The following MAP7 variants were observed in gnomAD, a reference collection of about 807,000 sequenced individuals.
MAP7 encodes the protein ensconsin.
Under a neutral mutation model 94.8 loss-of-function variants are expected in MAP7, and 52 were observed. The ratio of observed to expected loss-of-function variants is 0.55; its 90% CI spans 0.44 to 0.69. The LOEUF is 0.69. Among genes scored for constraint, MAP7 ranks in the 30% least tolerant of loss-of-function variants. The probability of loss-of-function intolerance (pLI) is 0.00; values close to 1 mark genes in which losing one functional copy is unlikely to be tolerated. For synonymous variants in MAP7, 350 were observed against 357.0 expected (o/e 0.98, Z 0.22); for missense variants, 940 against 964.6 (o/e 0.97, Z 0.34).
At chr6:136,410,237 G>C (rs553170569) in intron 3 of MAP7, among the ~76,000 whole-genome samples, 3 of 152,328 alleles carry the variant, frequency 2.0e-5, no homozygotes, top group Non-Finnish European at 4.4e-5. Context: ...TAACTAAAGA[G>C]ATCTACAAGT....
chr6:136,416,750 G>A (rs1789582953), intron 2 of MAP7, among the ~76,000 whole-genome samples: 1 of 151,838 alleles, frequency 6.6e-6, no homozygotes, highest in Non-Finnish European at 1.5e-5. Context: ...AGGTTGCACT[G>A]AGCCAAGATC....
chr6:136,527,208 T>G (rs1828037714), intron 1 of MAP7, among the ~76,000 whole-genome samples: 1 of 152,208 alleles, frequency 6.6e-6, no homozygotes, highest in Non-Finnish European at 1.5e-5. Context: ...ATGTGACTAT[T>G]GTTTTCTCCT....
At chr6:136,518,484 C>T (rs1030819762) in intron 1 of MAP7, among the ~76,000 whole-genome samples, 3 of 152,182 alleles carry the variant, frequency 2.0e-5, no homozygotes, top group South Asian at 2.1e-4. Flanking sequence ...CTTTGGGCCT[C>T]GGCATCTGGG....
At chr6:136,503,009 G>C (rs1820248727) in intron 1 of MAP7, among the ~76,000 whole-genome samples, 1 of 152,132 alleles carries the variant, frequency 6.6e-6, no homozygotes, top group African/African-American at 2.4e-5. Flanking sequence ...CACAGTCATG[G>C]ATAGCTAACT....
chr6:136,394,434 TTA>T (rs1286015406), intron 3 of MAP7, among the ~76,000 whole-genome samples: 3 of 152,164 alleles, frequency 2.0e-5, no homozygotes, highest in Non-Finnish European at 4.4e-5. Context: ...TAATTTTTTT[TTA>T]TGTTTTTTAT....
At chr6:136,486,848 TAAAC>T (rs1014224814) in intron 1 of MAP7, among the ~76,000 whole-genome samples, 7 of 152,060 alleles carry the variant, frequency 4.6e-5, no homozygotes, top group African/African-American at 1.7e-4. Flanking sequence ...AAAATTTAAA[TAAAC>T]AAAATGGCAA....
intron 1 of MAP7, among the ~76,000 whole-genome samples, chr6:136,438,300 T>C (rs1796911340): frequency 6.6e-6 from 1 of 152,230 alleles, no homozygotes; most frequent in Admixed American, 6.5e-5. Context: ...AAGCAGGCAA[T>C]TAGCATCCAC....
intron 1 of MAP7, among the ~76,000 whole-genome samples, chr6:136,535,587 A>AT (rs1271401168): frequency 6.6e-6 from 1 of 152,110 alleles, no homozygotes; most frequent in East Asian, 1.9e-4. Flanking sequence ...GGCTTGGTCC[A>AT]TTTTCCTTCA....
chr6:136,425,887 T>C (rs927838843), intron 1 of MAP7, among the ~76,000 whole-genome samples: 3 of 152,196 alleles, frequency 2.0e-5, no homozygotes, highest in African/African-American at 7.2e-5. Flanking sequence ...CCTACTTGCA[T>C]TTATTCGAAC....
intron 1 of MAP7, among the ~76,000 whole-genome samples, chr6:136,508,090 C>T (rs1304613627): frequency 7.2e-5 from 11 of 152,176 alleles, no homozygotes; most frequent in Non-Finnish European, 1.6e-4. Context: ...CTTTGGGAGG[C>T]TGAGGTGGGT....
chr6:136,381,140 A>G (rs1279858035), intron 6 of MAP7, among the ~76,000 whole-genome samples: 1 of 152,220 alleles, frequency 6.6e-6, no homozygotes, highest in Non-Finnish European at 1.5e-5. Context: ...AAATAGCAGG[A>G]AAGAACTAAT....
At chr6:136,515,774 T>C (rs1334162548) in intron 1 of MAP7, among the ~76,000 whole-genome samples, 2 of 152,090 alleles carry the variant, frequency 1.3e-5, no homozygotes, top group African/African-American at 2.4e-5. Context: ...CAGATTACCA[T>C]AACAGATAGA....
intron 3 of MAP7, among the ~76,000 whole-genome samples, chr6:136,390,422 G>C (rs1026260486): frequency 1.4e-4 from 22 of 152,160 alleles, no homozygotes; most frequent in African/African-American, 9.7e-5. Context: ...GGAGGCTGAG[G>C]GGGGCAGATC....
chr6:136,345,038 G>A (rs1191718456), intron 17 of MAP7, among the ~76,000 whole-genome samples: 2 of 152,222 alleles, frequency 1.3e-5, no homozygotes, highest in African/African-American at 4.8e-5. Context: ...TCAGGGAAGA[G>A]AAGTCAACAA....
intron 2 of MAP7, among the ~76,000 whole-genome samples, chr6:136,413,981 G>A (rs1042957084): frequency 2.0e-5 from 3 of 152,036 alleles, no homozygotes; most frequent in Admixed American, 1.3e-4. Flanking sequence ...CGGGCGCGGT[G>A]GCTCACGCCT....
chr6:136,348,413 G>A lies in MAP7; in HGVS notation c.2016-2334C>T, dbSNP rs3799403. 9.8e-3 allele frequency among the ~76,000 whole-genome samples: 1,497 copies of A among 152,240 alleles called. 60 individuals carry two copies. In the East Asian group the frequency reaches 0.13, roughly 14 times the overall value. On this transcript the variant is annotated intron_variant, in intron 16 of 17. Coordinates refer to ENST00000354570, the MANE Select transcript of MAP7 (RefSeq NM_003980.6). ...AGTCATGAAATGTTCAGGGGACATCGGGACTGGTAGAAACTATAAAACTGA... is the reference window on the plus strand; with the variant it reads ...AGTCATGAAATGTTCAGGGGACATCAGGACTGGTAGAAACTATAAAACTGA...
At chr6:136,395,407 G>GT (rs1782152338) in intron 3 of MAP7, among the ~76,000 whole-genome samples, 2 of 102,750 alleles carry the variant, frequency 1.9e-5, no homozygotes, top group African/African-American at 7.6e-5. Flanking sequence ...TTTTAATTTG[G>GT]ATTTTTTTTT....
intron 1 of MAP7, among the ~76,000 whole-genome samples, chr6:136,520,887 A>T (rs964030503): frequency 6.6e-6 from 1 of 152,192 alleles, no homozygotes; most frequent in Non-Finnish European, 1.5e-5. Context: ...GAGTGGCAGG[A>T]AAGAGGATGG....
intron 6 of MAP7, 150 bp downstream of exon 6, chr6:136,383,521 G>T (rs1053247765): frequency 2.0e-6 from 1 of 493,866 alleles, no homozygotes; most frequent in Non-Finnish European, 3.5e-6. Context: ...CTGCTCAGCC[G>T]TTTATTGCTT....
Sources: allele counts gnomAD v4.1 joint callset (sites outside exome capture counted in the v4.1 genomes callset), GRCh38; gene constraint gnomAD v4.1.1; transcripts MANE v1.5; gene names NCBI Gene and HGNC (gene_info 2026-07-23, HGNC 2026-07-21).